Variants in DLGAP4 observed in about 807,000 individuals in gnomAD.
DLGAP4 encodes disks large-associated protein 4.
A neutral mutation model predicts 86.9 loss-of-function variants in DLGAP4; 18 were observed. The observed-to-expected ratio is 0.21, with a 90% CI of 0.14 to 0.31. DLGAP4 has a LOEUF of 0.31. DLGAP4 is among the 10% of genes least tolerant of loss of function. The probability of loss-of-function intolerance (pLI) is 1.00; values close to 1 mark genes in which losing one functional copy is unlikely to be tolerated. For missense variants in DLGAP4, 1,085 were observed against 1,362.6 expected (o/e 0.80, Z 3.21); for synonymous variants, 548 against 574.3 (o/e 0.95, Z 0.65).
chr20:36,333,284 T>C (rs2065288767), intron 1 of DLGAP4, among the ~76,000 whole-genome samples: 1 of 152,186 alleles, frequency 6.6e-6, no homozygotes, highest in African/African-American at 2.4e-5. Flanking sequence ...CTTCTCCTTC[T>C]ATTGGTGTGT....
chr20:36,486,239 T>C (rs758460241), intron 7 of DLGAP4, among the ~76,000 whole-genome samples: 1 of 152,148 alleles, frequency 6.6e-6, no homozygotes, highest in Non-Finnish European at 1.5e-5. Context: ...TATCAGATAC[T>C]CAGGTTCCCT....
rs201430806 is a variant in DLGAP4 at position 36,466,950 on chromosome 20, C to G, written c.1648+20013C>G. Among the ~76,000 whole-genome samples, 552 of 140,442 alleles carry G rather than the reference C, an allele frequency of 3.9e-3. 18 individuals are homozygous for G. The East Asian group carries it at 0.075, about 19-fold the overall frequency. 92.1% of individuals were successfully genotyped at this position (140,442 alleles called of 152,430 possible). ...GCTCTCTCTCTCTCTCTCTCTGTCT[C>G]TCTCTCTCTCTCTCTGTCTCTCTCC... is the stretch of plus-strand genomic sequence containing the variant. On this transcript the variant is annotated intron_variant, in intron 7 of 12. Coordinates refer to ENST00000339266, the MANE Select transcript of DLGAP4 (RefSeq NM_001365621.2).
At chr20:36,390,721 A>G (rs1390785008) in intron 2 of DLGAP4, among the ~76,000 whole-genome samples, 1 of 152,156 alleles carries the variant, frequency 6.6e-6, no homozygotes, top group African/African-American at 2.4e-5. Context: ...TAGTATAAGG[A>G]GTGAACTACC....
chr20:36,354,508 C>T (rs2030263242), intron 1 of DLGAP4, among the ~76,000 whole-genome samples: 1 of 152,164 alleles, frequency 6.6e-6, no homozygotes, highest in Non-Finnish European at 1.5e-5. Context: ...CGGACTGACT[C>T]CTGCATTTGT....
At chr20:36,485,351 C>CAAA (rs548217372) in intron 7 of DLGAP4, among the ~76,000 whole-genome samples, 13 of 75,760 alleles carry the variant, frequency 1.7e-4, no homozygotes, top group Admixed American at 7.2e-4. Context: ...GACCCTGTCC[C>CAAA]AAAAAAAAAA....
At chr20:36,453,188 G>T (rs186517315) in intron 7 of DLGAP4, among the ~76,000 whole-genome samples, 2 of 152,216 alleles carry the variant, frequency 1.3e-5, no homozygotes, top group Non-Finnish European at 2.9e-5. Context: ...CTCAGGCCGG[G>T]TACAGTGCTG....
chr20:36,332,375 T>G (rs1250919108), intron 1 of DLGAP4, among the ~76,000 whole-genome samples: 2 of 152,134 alleles, frequency 1.3e-5, no homozygotes, highest in Non-Finnish European at 2.9e-5. Context: ...TTTTGTTTTT[T>G]TTGTTTTGTT....
intron 2 of DLGAP4, among the ~76,000 whole-genome samples, chr20:36,407,434 G>T (rs1000087985): frequency 1.3e-5 from 2 of 152,108 alleles, no homozygotes; most frequent in Non-Finnish European, 2.9e-5. Flanking sequence ...TGTATACCAG[G>T]CTCTGAGCTG....
intron 1 of DLGAP4, among the ~76,000 whole-genome samples, chr20:36,336,669 A>G (rs960914663): frequency 1.3e-4 from 20 of 152,184 alleles, no homozygotes; most frequent in Admixed American, 1.3e-3. Context: ...ATGGGGGTCC[A>G]GCAGTCCCAG....
rs1049176154 is a variant in DLGAP4 at position 36,500,480 on chromosome 20, C to G, written c.2381C>G (p.Pro794Arg). ...ACCTCCTCCAGCTCCCCAGCAGAGC[C>G]GGCACAGCCAGGGGCCTGCCGCCGA... ...LETSSSSPAEPAQPGACRRDG... is the reference protein window; with the variant it reads ...LETSSSSPAERAQPGACRRDG... The change falls in exon 10 of 13, where the codon CCG becomes CGG. Residue 794 changes from proline to arginine, a missense_variant. Transcript: ENST00000339266. This position sits in a 1 kb window ranked among gnomAD's most constrained non-coding sequence, Gnocchi z 4.6. The G allele has an allele frequency of 3.1e-6, 5 of 1,591,974 alleles. No homozygotes were observed. The South Asian group carries it at 4.5e-5, about 14-fold the overall frequency.
chr20:36,368,128 A>G (rs1046082482), intron 2 of DLGAP4, among the ~76,000 whole-genome samples: 5 of 152,216 alleles, frequency 3.3e-5, no homozygotes, highest in Non-Finnish European at 7.3e-5. Flanking sequence ...TACCCAGTAA[A>G]TAGCTGTGGA....
chr20:36,339,791 G>A (rs981180261), intron 1 of DLGAP4, among the ~76,000 whole-genome samples: 1 of 152,244 alleles, frequency 6.6e-6, no homozygotes, highest in South Asian at 2.1e-4. Flanking sequence ...GACTGAGAAG[G>A]CTGTGTTTCC....
At chr20:36,462,156 T>C (rs1239323881) in intron 7 of DLGAP4, 4 of 1,036,448 alleles carry the variant, frequency 3.9e-6, no homozygotes, top group Non-Finnish European at 4.6e-6. Flanking sequence ...GTTCCCCATA[T>C]CCACTGGGAG....
At chr20:36,374,549 G>A (rs2147430481) in intron 2 of DLGAP4, among the ~76,000 whole-genome samples, 1 of 152,330 alleles carries the variant, frequency 6.6e-6, no homozygotes, top group South Asian at 2.1e-4. Context: ...AGCCTTTGGG[G>A]GATATTGTGG....
intron 2 of DLGAP4, among the ~76,000 whole-genome samples, chr20:36,415,591 G>A (rs2032630079): frequency 6.6e-6 from 1 of 152,286 alleles, no homozygotes; most frequent in African/African-American, 2.4e-5. Flanking sequence ...GTGTTACCTC[G>A]TTGATCTCTC....
chr20:36,507,314 GCCT>G (rs1206244450), intron 10 of DLGAP4, among the ~76,000 whole-genome samples: 5 of 151,806 alleles, frequency 3.3e-5, no homozygotes, highest in African/African-American at 1.2e-4. Context: ...CACAACCTCC[GCCT>G]CCTGGGTGCA....
In DLGAP4 at chr20:36,478,988, C is replaced by T. The variant is rs995306330; in HGVS notation, c.1649-17717C>T. On this transcript the variant is annotated intron_variant, in intron 7 of 12. Coordinates refer to ENST00000339266, the MANE Select transcript of DLGAP4 (RefSeq NM_001365621.2). ...ACATCTGGCAACTGTGATTATTAGC[C>T]ACTAATGTTCAGCCACTCCTCAGTG... is the stretch of plus-strand genomic sequence containing the variant. Among the ~76,000 whole-genome samples the T allele has an allele frequency of 4.6e-5, 7 of 152,144 alleles. No homozygotes were observed. The South Asian group carries it at 1.0e-3, about 23-fold the overall frequency.
intron 10 of DLGAP4, among the ~76,000 whole-genome samples, chr20:36,516,570 A>G (rs1463676918): frequency 1.3e-5 from 2 of 151,172 alleles, no homozygotes; most frequent in African/African-American, 4.9e-5. Flanking sequence ...GAAGGCTGAG[A>G]CCGGAGAATC....
At chr20:36,334,483 C>T (rs1336332194) in intron 1 of DLGAP4, among the ~76,000 whole-genome samples, 5 of 152,082 alleles carry the variant, frequency 3.3e-5, no homozygotes, top group African/African-American at 7.2e-5. Flanking sequence ...GCTTGTGGTT[C>T]GAAAAGCCCC....
Sources: allele counts gnomAD v4.1 joint callset (sites outside exome capture counted in the v4.1 genomes callset), GRCh38; gene constraint gnomAD v4.1.1; non-coding constraint Gnocchi (gnomAD v3.1); transcripts MANE v1.5; gene names NCBI Gene and HGNC (gene_info 2026-07-23, HGNC 2026-07-21).